The following ABCB11 variants were observed in gnomAD, a reference collection of about 807,000 sequenced individuals.
ABCB11 encodes the protein ATP binding cassette subfamily B member 11.
A neutral mutation model predicts 148.0 loss-of-function variants in ABCB11; 95 were observed. The ratio of observed to expected loss-of-function variants is 0.64; its 90% confidence interval spans 0.54 to 0.76. The LOEUF (loss-of-function observed/expected upper bound fraction) is 0.76. ABCB11 is among the 30% of genes least tolerant of loss of function. ABCB11 has a pLI of 0.00. For synonymous variants in ABCB11, 591 were observed against 555.4 expected (o/e 1.06, Z -0.90); for missense variants, 1,523 against 1,617.8 (o/e 0.94, Z 1.01).
At chr2:168,954,049 C>T (rs541053918) in intron 19 of ABCB11, among the ~76,000 whole-genome samples, 5 of 151,596 alleles carry the variant, frequency 3.3e-5, no homozygotes, top group Non-Finnish European at 7.4e-5. Flanking sequence ...CTTCCAGAGG[C>T]TGTGTCATGG....
intron 17 of ABCB11, 52 bp from the exon 18 acceptor site, chr2:168,964,360 A>G (rs1574439676): frequency 7.3e-7 from 1 of 1,378,654 alleles, no homozygotes; most frequent in Non-Finnish European, 1.0e-6. Context: ...AGATTGGAGC[A>G]GGATCAACTG....
intron 19 of ABCB11, among the ~76,000 whole-genome samples, chr2:168,949,149 T>C (rs1347541591): frequency 6.6e-6 from 1 of 151,664 alleles, no homozygotes; most frequent in Non-Finnish European, 1.5e-5. Context: ...TGTATATATG[T>C]GTGTGTGAAT....
In ABCB11 at chr2:168,923,745, C is replaced by G. The variant is rs1691176220; in HGVS notation, c.3843G>C (p.Gln1281His). Residue 1281 changes from glutamine (Q) to histidine (H), a missense_variant, in exon 28 of 28, where the codon CAG (glutamine) becomes CAC (histidine). Gln to His is a conservative substitution (Grantham distance 24, BLOSUM62 0). Transcript: ENST00000650372. Reference sequence around the variant, plus strand: ...CCATGACAGCAATGATATCCGCGTTCTGGATGGTGGACAAGCGATGGGCAA... The same window carrying G: ...CCATGACAGCAATGATATCCGCGTTGTGGATGGTGGACAAGCGATGGGCAA... ...IVIAHRLSTI[Q>H]NADIIAVMAQ... 6.2e-7 allele frequency: 1 copy of G among 1,613,868 alleles called. No individual in the cohort carries two copies.
At chr2:168,965,765 C>A (rs1277846895) in intron 17 of ABCB11, among the ~76,000 whole-genome samples, 3 of 151,842 alleles carry the variant, frequency 2.0e-5, no homozygotes, top group Non-Finnish European at 4.4e-5. Flanking sequence ...TCTTTCTCTA[C>A]CATTTTGCAT....
At chr2:168,966,738 G>T in intron 17 of ABCB11, among the ~76,000 whole-genome samples, 1 of 151,870 alleles carries the variant, frequency 6.6e-6, no homozygotes, top group Non-Finnish European at 1.5e-5. Flanking sequence ...ACTTCATTTA[G>T]TCATCTTTTA....
chr2:168,972,153 ATAAGATTC>A, intron 13 of ABCB11, 103 bp from the exon 14 acceptor site: 1 of 999,844 alleles, frequency 1.0e-6, no homozygotes, highest in Non-Finnish European at 1.5e-6. Context: ...ATAGAGGCCA[ATAAGATTC>A]TAATGGAAAC....
At chr2:168,947,104 G>A (rs1431583374) in intron 19 of ABCB11, among the ~76,000 whole-genome samples, 1 of 151,730 alleles carries the variant, frequency 6.6e-6, no homozygotes, top group Non-Finnish European at 1.5e-5. Context: ...GTAATGGTAA[G>A]TTTGTTGAAG....
rs551722033 is a variant in ABCB11, at chr2:169,000,194, A to G, written c.390-3472T>C. 1.4e-4 allele frequency among the ~76,000 whole-genome samples: 21 copies of G among 152,148 alleles called. No individual in the cohort carries two copies. In the South Asian group the frequency reaches 4.4e-3, roughly 32 times the overall value. ...ACTGAGTTTTGAGAATTTTTTATAT[A>G]TTCGGGATCCTAGTCCTTTTTTGGA... On this transcript the variant is annotated intron_variant, in intron 5 of 27. Coordinates refer to ENST00000650372, the MANE Select transcript of ABCB11 (RefSeq NM_003742.4).
rs1693209423 is a variant in ABCB11, at chr2:168,964,422, C to G, written c.2076-114G>C. ...AAATAAATAGAAATGTTTGGTAGGTCACATGGTAACCAGGAAAGGGAGCTT... is the reference window on the plus strand; with the variant it reads ...AAATAAATAGAAATGTTTGGTAGGTGACATGGTAACCAGGAAAGGGAGCTT... On this transcript the variant is annotated intron_variant, in intron 17 of 27. Transcript: ENST00000650372. 29 of 846,194 alleles carry G rather than the reference C, an allele frequency of 3.4e-5. No homozygotes were observed. The South Asian group carries it at 4.8e-4, about 14-fold the overall frequency. The allele number at this position is 846,194 out of a possible 1,614,324, so 52.4% of individuals were successfully genotyped here.
At chr2:169,018,418 T>C (rs1695429924) in intron 1 of ABCB11, among the ~76,000 whole-genome samples, 1 of 152,192 alleles carries the variant, frequency 6.6e-6, no homozygotes, top group Non-Finnish European at 1.5e-5. Flanking sequence ...AGCAAAACCA[T>C]TGATAAATTT....
intron 18 of ABCB11, among the ~76,000 whole-genome samples, chr2:168,959,523 A>C (rs547751557): frequency 6.6e-6 from 1 of 151,746 alleles, no homozygotes; most frequent in South Asian, 2.1e-4. Context: ...AGAGACTTGG[A>C]CTAAGTAATT....
intron 19 of ABCB11, among the ~76,000 whole-genome samples, chr2:168,946,637 T>A (rs576087525): frequency 6.6e-6 from 1 of 151,922 alleles, no homozygotes; most frequent in African/African-American, 2.4e-5. Flanking sequence ...CAAACTGCGA[T>A]GCCACAATTC....
chr2:168,980,614 C>T (rs1219470601), intron 10 of ABCB11, among the ~76,000 whole-genome samples: 2 of 152,124 alleles, frequency 1.3e-5, no homozygotes, highest in African/African-American at 4.8e-5. Flanking sequence ...TCCCAATTTG[C>T]ACTAGGTTAC....
intron 5 of ABCB11, among the ~76,000 whole-genome samples, chr2:168,997,367 T>A (rs1182858622): frequency 6.6e-6 from 1 of 152,062 alleles, no homozygotes; most frequent in Non-Finnish European, 1.5e-5. Context: ...ATTTCTAAGG[T>A]TGAAGCCAAA....
chr2:168,971,765 G>A (rs77545691), intron 14 of ABCB11, 82 bp downstream of exon 14: 15 of 1,288,146 alleles, frequency 1.2e-5, no homozygotes, highest in African/African-American at 4.4e-5. Flanking sequence ...GGAATCATAC[G>A]AGAAGAAATG....
intron 1 of ABCB11, among the ~76,000 whole-genome samples, chr2:169,030,810 A>C (rs899784868): frequency 2.6e-5 from 4 of 152,178 alleles, no homozygotes; most frequent in Admixed American, 1.3e-4. Context: ...GCATTAAACC[A>C]GCTTTCAAGG....
intron 23 of ABCB11, among the ~76,000 whole-genome samples, chr2:168,934,507 C>T (rs1179200500): frequency 2.0e-5 from 3 of 152,176 alleles, no homozygotes; most frequent in Admixed American, 6.5e-5. Context: ...ATTAGAAAAG[C>T]AGGCTTTGGC....
chr2:168,973,252 G>A (rs545039785), intron 13 of ABCB11, among the ~76,000 whole-genome samples: 1 of 151,808 alleles, frequency 6.6e-6, no homozygotes, highest in Non-Finnish European at 1.5e-5. Flanking sequence ...GTCCTTAGGT[G>A]GTTTCATCAC....
chr2:168,995,154 C>T (rs1694672422), intron 7 of ABCB11, among the ~76,000 whole-genome samples, 195 bp downstream of exon 7: 1 of 151,878 alleles, frequency 6.6e-6, no homozygotes, highest in African/African-American at 2.4e-5. Context: ...AATTGCAGTA[C>T]CTTGGGTTTC....
Sources: allele counts gnomAD v4.1 joint callset (sites outside exome capture counted in the v4.1 genomes callset), GRCh38; gene constraint gnomAD v4.1.1; transcripts MANE v1.5; gene names NCBI Gene and HGNC (gene_info 2026-07-23, HGNC 2026-07-21).